C11orf54: variants seen among roughly 807,000 people sequenced by gnomAD.
C11orf54 encodes the protein beta-keto L-gulonate decarboxylase.
C11orf54 carries 29 observed loss-of-function variants against 35.5 expected under a neutral mutation model. That is an observed-to-expected ratio of 0.82 (90% CI 0.61 to 1.11). The LOEUF (loss-of-function observed/expected upper bound fraction) is 1.11, where lower values mean the gene tolerates loss of function less well. C11orf54 is among the 50% of genes most tolerant of loss of function. C11orf54 has a pLI of 0.00. For synonymous variants in C11orf54, 108 were observed against 121.1 expected, an observed-to-expected ratio of 0.89 and a Z score of 0.71; for missense variants, 373 against 369.2, an observed-to-expected ratio of 1.01 and a Z score of -0.08.
intron 5 of C11orf54, chr11:93,754,922 C>G (rs1003216338): frequency 1.6e-5 from 3 of 190,614 alleles, no homozygotes; most frequent in Non-Finnish European, 2.2e-5. Context: ...TTAGTAGAGA[C>G]AGGTTTTCAC....
chr11:93,757,583 G>A, intron 7 of C11orf54, 118 bp downstream of exon 7: 2 of 1,132,984 alleles, frequency 1.8e-6, no homozygotes, highest in Non-Finnish European at 2.5e-6. Flanking sequence ...ATGCTGGAGT[G>A]TAGTGGCACA....
intron 7 of C11orf54, among the ~76,000 whole-genome samples, chr11:93,758,730 G>A (rs1943298843): frequency 6.6e-6 from 1 of 152,262 alleles, no homozygotes; most frequent in South Asian, 2.1e-4. Flanking sequence ...GGGAAGCTGA[G>A]CGGCGGCTGA....
At position 93,762,703 on chromosome 11, in the gene C11orf54, A is replaced by G. The variant is rs1308617512; in HGVS notation, c.*1015A>G. The G allele has an allele frequency of 1.3e-5, 2 of 152,136 alleles. No individual in the cohort carries two copies. The highest frequency in any genetic ancestry group is 1.3e-4 in the Admixed American group (2 of 15,272). 9.4% of individuals were successfully genotyped at this position (152,136 alleles called of 1,614,324 possible). The stretch of plus-strand genomic sequence containing the variant: ...TTGTTTCGATTGCCAGTTAGAAGCA[A>G]TTTTTATTTCACTGGTTATTTGCAA... On this transcript the variant is annotated 3_prime_UTR_variant, in exon 9 of 9. Transcript: ENST00000354421.
At chr11:93,756,489 T>TAA (rs5793655) in intron 6 of C11orf54, among the ~76,000 whole-genome samples, 2 of 137,202 alleles carry the variant, frequency 1.5e-5, no homozygotes, top group Non-Finnish European at 1.6e-5. Context: ...AGACCTGTCT[T>TAA]AAAAAAAAAA....
rs1244038607 is a variant in C11orf54, at chr11:93,757,391, CA to C, written c.584del (p.His195LeufsTer7). 9 of 1,598,152 alleles carry C rather than the reference CA, an allele frequency of 5.6e-6. No homozygotes were observed. Among genetic ancestry groups the C allele is most frequent in the Non-Finnish European group, 7.6e-6 (9 of 1,179,670 alleles). On this transcript the variant is annotated frameshift_variant, in exon 7 of 9. Transcript: ENST00000354421. LOFTEE classifies it high-confidence loss of function. Reference protein sequence around the residue: ...VTCMRETLEKHYGNKPIGMGG... With the variant: ...VTCMRETLEKXYGNKPIGMGG... ...TTGTATGAGAGAGACCCTGGAAAAA[CA>C]TTATGGAAATAAGCCTATAGGAATG...
Position 93,757,431 on chromosome 11 carries a change from T to A in C11orf54, c.623T>A (p.Ile208Lys), listed in dbSNP as rs1412562920. ...NKPIGMGGTFIIQKGKVKSHI... is the reference protein window; with the variant it reads ...NKPIGMGGTFKIQKGKVKSHI... ...CCTATAGGAATGGGAGGTACTTTCA[T>A]AATTCAGAAGGGAAAAGTGAAGTCT... The change falls in exon 7 of 9, where the codon ATA (isoleucine) becomes AAA (lysine). Residue 208 changes from isoleucine (I) to lysine (K), a missense_variant. Ile to Lys is a moderately radical substitution (Grantham distance 102). Coordinates refer to ENST00000354421, the MANE Select transcript of C11orf54 (RefSeq NM_001286069.2). The A allele has an allele frequency of 1.3e-6, 2 of 1,598,194 alleles. No individual in the cohort carries two copies. The highest frequency in any genetic ancestry group is 2.7e-5 in the African/African-American group (2 of 74,974).
chr11:93,747,549 C>A, intron 2 of C11orf54, 101 bp downstream of exon 2: 2 of 551,958 alleles, frequency 3.6e-6, no homozygotes, highest in Non-Finnish European at 5.5e-6. Flanking sequence ...TTATGTATAT[C>A]TATATCTTAC....
chr11:93,750,204 T>C (rs1942739361), intron 2 of C11orf54, 142 bp from the exon 3 acceptor site: 1 of 597,666 alleles, frequency 1.7e-6, no homozygotes, highest in Non-Finnish European at 3.0e-6. Flanking sequence ...TCTAATTATA[T>C]TCATTAATAA....
At chr11:93,752,142 C>T (rs1263079691) in intron 3 of C11orf54, among the ~76,000 whole-genome samples, 1 of 152,006 alleles carries the variant, frequency 6.6e-6, no homozygotes, top group Non-Finnish European at 1.5e-5. Flanking sequence ...CCATCATGCC[C>T]AGCCAAAATG....
rs768847119 is a variant in C11orf54, at chr11:93,747,384, A to G, written c.-10A>G. On this transcript the variant is annotated 5_prime_UTR_variant, in exon 2 of 9. Transcript: ENST00000354421. ...TATTTGTCCAACCTCACACCTAAAGAAGAAAGAAAATGGCTTGTGCTGAGT... is the reference window on the plus strand; with the variant it reads ...TATTTGTCCAACCTCACACCTAAAGGAGAAAGAAAATGGCTTGTGCTGAGT... The G allele has an allele frequency of 4.4e-6, 7 of 1,594,628 alleles. No homozygotes were observed. The South Asian group carries it at 6.8e-5, about 16-fold the overall frequency.
intron 1 of C11orf54, among the ~76,000 whole-genome samples, chr11:93,744,439 G>A (rs1942333104): frequency 6.6e-6 from 1 of 152,150 alleles, no homozygotes; most frequent in Admixed American, 6.5e-5. Flanking sequence ...TATTCCTACT[G>A]CCAGCAAAAA....
chr11:93,756,167 C>CAAAAAAAAAAAAAAA (rs1210508995), intron 6 of C11orf54, among the ~76,000 whole-genome samples: 1 of 27,014 alleles, frequency 3.7e-5, no homozygotes, highest in Non-Finnish European at 8.3e-5. Context: ...ACTCTGTCTC[C>CAAAAAAAAAAAAAAA]AAAAAAAAAA....
At chr11:93,741,751 T>C in intron 1 of C11orf54, 23 bp downstream of exon 1, 1 of 309,298 alleles carries the variant, frequency 3.2e-6, no homozygotes, top group Non-Finnish European at 6.4e-6. Flanking sequence ...GCCAAGAACA[T>C]TTCGGCAAAT....
chr11:93,760,779 C>T (rs2135680502), intron 8 of C11orf54, among the ~76,000 whole-genome samples: 1 of 152,190 alleles, frequency 6.6e-6, no homozygotes, highest in South Asian at 2.1e-4. Flanking sequence ...CTGCCTCACC[C>T]TCCTGAGTAG....
intron 7 of C11orf54, among the ~76,000 whole-genome samples, chr11:93,758,568 C>A (rs545849158): frequency 1.3e-5 from 2 of 152,372 alleles, no homozygotes; most frequent in Non-Finnish European, 2.9e-5. Flanking sequence ...TCCCTGCTGT[C>A]GGCGCCTGCT....
At chr11:93,743,244 G>A (rs1942239187) in intron 1 of C11orf54, among the ~76,000 whole-genome samples, 1 of 151,928 alleles carries the variant, frequency 6.6e-6, no homozygotes, top group Non-Finnish European at 1.5e-5. Context: ...CAAGTGATCC[G>A]TCTGCCTCGG....
At chr11:93,760,040 G>A (rs1943375663) in intron 8 of C11orf54, among the ~76,000 whole-genome samples, 182 bp downstream of exon 8, 1 of 152,134 alleles carries the variant, frequency 6.6e-6, no homozygotes, top group African/African-American at 2.4e-5. Context: ...TCCGCCTCCT[G>A]GGTTCAAGCG....
intron 3 of C11orf54, among the ~76,000 whole-genome samples, chr11:93,752,864 TCAGCCTCCTGAGTAGTACACC>T (rs1472981533): frequency 1.3e-5 from 2 of 149,650 alleles, no homozygotes; most frequent in Non-Finnish European, 3.0e-5. Flanking sequence ...TTCTCCTGCC[TCAGCCTCCTGAGTAGTACACC>T]CAGCCTCCTG....
chr11:93,744,508 A>G (rs879489583), intron 1 of C11orf54, among the ~76,000 whole-genome samples: 1 of 152,252 alleles, frequency 6.6e-6, no homozygotes, highest in African/African-American at 2.4e-5. Context: ...AGATTTTGAC[A>G]TGTTCATAAA....
Sources: gnomAD v4.1 joint callset for allele counts (sites outside exome capture counted in the v4.1 genomes callset) on GRCh38, gnomAD v4.1.1 for gene constraint, MANE v1.5 for transcripts, NCBI Gene and HGNC (gene_info 2026-07-23, HGNC 2026-07-21) for gene names.